UBR4: variants seen among roughly 807,000 people sequenced by gnomAD.
UBR4 encodes ubiquitin protein ligase E3 component n-recognin 4.
In UBR4, 124 loss-of-function variants were observed where a neutral mutation model predicts 575.6. The observed-to-expected ratio is 0.22, with a 90% CI of 0.19 to 0.25. UBR4 has a LOEUF of 0.25. UBR4 is among the 10% of genes least tolerant of loss of function. The pLI is 1.00. For missense variants in UBR4, 4,818 were observed against 6,478.8 expected, an observed-to-expected ratio of 0.74 and a Z score of 8.80; for synonymous variants, 2,455 against 2,473.7, an observed-to-expected ratio of 0.99 and a Z score of 0.22.
Position 19,110,804 on chromosome 1 carries a change from T to G in UBR4, c.11830A>C (p.Asn3944His). The change falls in exon 79 of 106, where the codon AAT becomes CAT. Residue 3944 changes from asparagine (N) to histidine (H), a missense_variant. Transcript: ENST00000375254. This position sits in a 1 kb window ranked among gnomAD's most constrained non-coding sequence, Gnocchi z 4.5. ...GAGACCTTGCCAATAATCAGGTCAT[T>G]CATCTGTTGGGTGGCTTCTGGGTTG... ...RDNPEATQQM[N>H]DLIIGKVSTA... 9 of 1,614,162 alleles carry G rather than the reference T, an allele frequency of 5.6e-6. No individual in the cohort carries two copies. The highest frequency in any genetic ancestry group is 7.6e-6 in the Non-Finnish European group (9 of 1,180,016).
Position 19,100,228 on chromosome 1 carries a change from G to C in UBR4, c.13221+148C>G. On this transcript the variant is annotated intron_variant, in intron 89 of 105. Transcript: ENST00000375254. The surrounding 1 kb of genome is among the most constrained non-coding windows in gnomAD (Gnocchi z 4.2). ...AGCACTAGGTGAGGTAGAAAGGTGG[G>C]AATCATTAACCCCAACTTACAGAGT... 3 of 776,934 alleles carry C rather than the reference G, an allele frequency of 3.9e-6. No individual in the cohort carries two copies. The highest frequency in any genetic ancestry group is 6.3e-6 in the Non-Finnish European group (3 of 474,090). The allele number at this position is 776,934 out of a possible 1,614,324, so 48.1% of individuals were successfully genotyped here. A position where few individuals can be genotyped will look rare whatever the true frequency, so the allele number is the denominator to read the frequency against.
intron 16 of UBR4, 54 bp downstream of exon 16, chr1:19,183,962 C>A (rs2091276497): frequency 6.2e-7 from 1 of 1,613,800 alleles, no homozygotes; most frequent in Non-Finnish European, 8.5e-7. Flanking sequence ...TCCCTGCCAA[C>A]AGCCAAACTC....
intron 88 of UBR4, 99 bp downstream of exon 88, chr1:19,101,421 G>C: frequency 7.0e-7 from 1 of 1,435,576 alleles, no homozygotes; most frequent in Non-Finnish European, 9.2e-7. Flanking sequence ...GCCCACAGCT[G>C]GTACAATTCC....
intron 39 of UBR4, among the ~76,000 whole-genome samples, chr1:19,159,268 A>G (rs1191713953): frequency 6.6e-6 from 1 of 152,228 alleles, no homozygotes; most frequent in African/African-American, 2.4e-5. Flanking sequence ...AAAAAAGGCC[A>G]GGAAGGCCAC....
intron 17 of UBR4, among the ~76,000 whole-genome samples, chr1:19,180,889 C>T (rs2090876401): frequency 6.6e-6 from 1 of 152,192 alleles, no homozygotes; most frequent in South Asian, 2.1e-4. Flanking sequence ...AGCAGCAGAA[C>T]TCTGGCTGAG....
At position 19,139,360 on chromosome 1, in the gene UBR4, C is replaced by T. The variant is rs76800369; in HGVS notation, c.8594-140G>A. On this transcript the variant is annotated intron_variant, in intron 58 of 105. Coordinates refer to ENST00000375254, the MANE Select transcript of UBR4 (RefSeq NM_020765.3). This position sits in a 1 kb window ranked among gnomAD's most constrained non-coding sequence, Gnocchi z 4.2. The stretch of plus-strand genomic sequence containing the variant: ...ACACAATGCAGTTTATATATCCTGT[C>T]GTCAAAGAAAAAAGGGAGAGATTTG... The T allele has an allele frequency of 7.8e-3, 9,051 of 1,161,120 alleles. 41 individuals carry two copies. Among genetic ancestry groups the T allele is most frequent in the Non-Finnish European group, 9.0e-3 (8,092 of 899,660 alleles). 71.9% of individuals were successfully genotyped at this position (1,161,120 alleles called of 1,614,324 possible). A position where few individuals can be genotyped will look rare whatever the true frequency, so the allele number is the denominator to read the frequency against.
intron 93 of UBR4, 136 bp from the exon 94 acceptor site, chr1:19,095,161 CGTGT>C: frequency 7.7e-7 from 1 of 1,293,808 alleles, no homozygotes; most frequent in Non-Finnish European, 1.1e-6. Flanking sequence ...TATGTATGTG[CGTGT>C]ATATGCATGT....
In UBR4 at chr1:19,100,455, G is replaced by T; in HGVS notation, c.13142C>A (p.Pro4381Gln). Residue 4381 changes from proline (P) to glutamine (Q), a missense_variant, in exon 89 of 106, where the codon CCG becomes CAG. Transcript: ENST00000375254. This position sits in a 1 kb window ranked among gnomAD's most constrained non-coding sequence, Gnocchi z 4.2. ...PYSSNEPGIG[P>Q]LMRDIKNKIC... ...CTTGTTCTTTATATCCCTCATCAGC[G>T]GCCCGATGCCTGGCTCATTGCTGCT... The T allele has an allele frequency of 6.2e-7, 1 of 1,614,004 alleles. No homozygotes were observed. The highest frequency in any genetic ancestry group is 8.5e-7 in the Non-Finnish European group (1 of 1,180,000).
At position 19,115,525 on chromosome 1, in the gene UBR4, C is replaced by A; in HGVS notation, c.10936G>T (p.Asp3646Tyr). 1 of 1,614,226 alleles carries A rather than the reference C, an allele frequency of 6.2e-7. No individual in the cohort carries two copies. The highest frequency in any genetic ancestry group is 8.5e-7 in the Non-Finnish European group (1 of 1,180,046). ...VASNLMIEFA[D>Y]FYENYQASTE... Reference sequence around the variant, plus strand: ...GAGGCCTGGTAGTTTTCATAGAAGTCTGCAAACTCAATCATCAGATTGGAG... The same window carrying A: ...GAGGCCTGGTAGTTTTCATAGAAGTATGCAAACTCAATCATCAGATTGGAG... The change falls in exon 74 of 106, where the codon GAC becomes TAC. Residue 3646 changes from aspartate (D) to tyrosine (Y), a missense_variant. Coordinates refer to ENST00000375254, the MANE Select transcript of UBR4 (RefSeq NM_020765.3).
intron 54 of UBR4, 71 bp downstream of exon 54, chr1:19,144,715 A>T: frequency 3.9e-6 from 6 of 1,556,098 alleles, no homozygotes; most frequent in Non-Finnish European, 5.2e-6. Context: ...TCATTAGCTT[A>T]GCAAGCTAAA....
intron 10 of UBR4, 30 bp downstream of exon 10, chr1:19,192,451 G>T: frequency 6.2e-7 from 1 of 1,614,170 alleles, no homozygotes; most frequent in Non-Finnish European, 8.5e-7. Context: ...AAGATAGGAA[G>T]TATGCAGCAG....
chr1:19,111,045 C>T (rs1314876918), intron 78 of UBR4, among the ~76,000 whole-genome samples: 1 of 152,192 alleles, frequency 6.6e-6, no homozygotes, highest in Non-Finnish European at 1.5e-5. Context: ...TGCCTATGAA[C>T]AGAAGCTAAC....
At chr1:19,142,886 C>A (rs1372367430) in intron 55 of UBR4, among the ~76,000 whole-genome samples, 1 of 152,036 alleles carries the variant, frequency 6.6e-6, no homozygotes, top group African/African-American at 2.4e-5. Flanking sequence ...CTTTGGGAGG[C>A]CGAGGCGGGC....
intron 68 of UBR4, among the ~76,000 whole-genome samples, chr1:19,120,776 C>A (rs956882507): frequency 2.6e-5 from 4 of 152,204 alleles, no homozygotes; most frequent in African/African-American, 9.7e-5. Flanking sequence ...GACCACTGAT[C>A]TCAGGTCTCC....
In UBR4 at chr1:19,088,626, G is replaced by A. The variant is rs1326266974; in HGVS notation, c.14430+133C>T. 3.7e-6 allele frequency: 3 copies of A among 805,542 alleles called. No homozygotes were observed. Among genetic ancestry groups the A allele is most frequent in the East Asian group, 2.7e-5 (1 of 37,498 alleles). 49.9% of individuals were successfully genotyped at this position (805,542 alleles called of 1,614,324 possible). A position where few individuals can be genotyped will look rare whatever the true frequency, so the allele number is the denominator to read the frequency against. On this transcript the variant is annotated intron_variant, in intron 98 of 105. Transcript: ENST00000375254. This position sits in a 1 kb window ranked among gnomAD's most constrained non-coding sequence, Gnocchi z 4.0. Reference sequence around the variant, plus strand: ...TAGTAGTTCCACCTCTGAGAGGGCCGAACACACCTAGTTCCTTCCTCCTAC... The same window carrying A: ...TAGTAGTTCCACCTCTGAGAGGGCCAAACACACCTAGTTCCTTCCTCCTAC...
rs995961443 is a variant in UBR4, at chr1:19,086,751, C to T, written c.14615G>A (p.Arg4872Gln). The change falls in exon 100 of 106, where the codon CGG becomes CAG. Residue 4872 changes from arginine (R) to glutamine (Q), a missense_variant. This residue lies in a region of UBR4 where 196 missense variants were observed against 386.8 expected (regional missense o/e 0.51). Coordinates refer to ENST00000375254, the MANE Select transcript of UBR4 (RefSeq NM_020765.3). ...CACGGTGCTGTAGCCCTGCTGTTTCCGGGGCTTATTCTCCATCTCCTCCAA... is the reference window on the plus strand; with the variant it reads ...CACGGTGCTGTAGCCCTGCTGTTTCTGGGGCTTATTCTCCATCTCCTCCAA... ...VALEEMENKP[R>Q]KQQGYSTVSH... 6.8e-6 allele frequency: 11 copies of T among 1,614,080 alleles called. No individual in the cohort carries two copies. The highest frequency in any genetic ancestry group is 2.2e-5 in the East Asian group (1 of 44,896).
chr1:19,087,694 C>G, intron 99 of UBR4, 122 bp downstream of exon 99: 1 of 707,222 alleles, frequency 1.4e-6, no homozygotes, highest in Non-Finnish European at 2.4e-6. Flanking sequence ...TTGTTAATCT[C>G]CTAAGATGCA....
Position 19,150,702 on chromosome 1 carries a change from C to A in UBR4, c.7305G>T (p.Glu2435Asp), listed in dbSNP as rs34498972. The A allele has an allele frequency of 3.7e-6, 6 of 1,614,020 alleles. No homozygotes were observed. The highest frequency in any genetic ancestry group is 1.7e-5 in the Admixed American group (1 of 60,012). ...AGGCAGAAGGGAATTCTTCTGGGGG[C>A]TCATCAGGCCAGCCAAACTGCTCCT... ...KTKEQFGWPDEPPEEFPSASV... is the reference protein window; with the variant it reads ...KTKEQFGWPDDPPEEFPSASV... Residue 2435 changes from glutamate to aspartate, a missense_variant, in exon 49 of 106, where the codon GAG becomes GAT. Glu to Asp is a conservative substitution (Grantham distance 45). This residue lies in a region of UBR4 where 340 missense variants were observed against 375.4 expected (regional missense o/e 0.91). Transcript: ENST00000375254.
At position 19,088,214 on chromosome 1, in the gene UBR4, G is replaced by A. The variant is rs931179624; in HGVS notation, c.14431-285C>T. ...CCCCTTTCTTCATGCCAGCATCTTC[G>A]TGCCAGCAATGCCAAGTCTCAGCTT... On this transcript the variant is annotated intron_variant, in intron 98 of 105. Coordinates refer to ENST00000375254, the MANE Select transcript of UBR4 (RefSeq NM_020765.3). The surrounding 1 kb of genome is among the most constrained non-coding windows in gnomAD (Gnocchi z 4.0). 9.9e-5 allele frequency among the ~76,000 whole-genome samples: 15 copies of A among 152,200 alleles called. No individual in the cohort carries two copies. The highest frequency in any genetic ancestry group is 2.7e-4 in the African/African-American group (11 of 41,452).
Sources: gnomAD v4.1 joint callset for allele counts (sites outside exome capture counted in the v4.1 genomes callset) on GRCh38, gnomAD v4.1.1 for gene constraint, gnomAD v4.1.1 regional missense constraint, Gnocchi (gnomAD v3.1) non-coding constraint, MANE v1.5 for transcripts, NCBI Gene and HGNC (gene_info 2026-07-23, HGNC 2026-07-21) for gene names.